Variants in FREM2 observed in about 807,000 individuals in gnomAD.
FREM2 encodes FRAS1 related extracellular matrix 2, also known as FRAS1-related extracellular matrix protein 2.
In FREM2, 119 loss-of-function variants were observed where a neutral mutation model predicts 219.9. That is an observed-to-expected ratio of 0.54 (90% confidence interval 0.47 to 0.63). The LOEUF is 0.63. Ranked by LOEUF, FREM2 falls within the 30% of genes least tolerant of loss-of-function variation. The probability of loss-of-function intolerance (pLI) is 0.00; values close to 1 mark genes in which losing one functional copy is unlikely to be tolerated. For missense variants in FREM2, 4,030 were observed against 3,993.6 expected, an observed-to-expected ratio of 1.01 and a Z score of -0.25; for synonymous variants, 1,562 against 1,522.8, an observed-to-expected ratio of 1.03 and a Z score of -0.60.
chr13:38,829,877 T>C (rs996676085), intron 6 of FREM2, among the ~76,000 whole-genome samples: 1 of 152,104 alleles, frequency 6.6e-6, no homozygotes, highest in Admixed American at 6.6e-5. Flanking sequence ...TGATTTGCTC[T>C]CAAAAGTTGT....
chr13:38,873,317 T>C (rs1878229573), intron 17 of FREM2, among the ~76,000 whole-genome samples: 1 of 152,028 alleles, frequency 6.6e-6, no homozygotes. Flanking sequence ...CATTTTTATT[T>C]CTGAAAAAAA....
intron 2 of FREM2, among the ~76,000 whole-genome samples, chr13:38,742,075 A>C (rs996353988): frequency 2.0e-5 from 3 of 152,312 alleles, no homozygotes; most frequent in African/African-American, 7.2e-5. Flanking sequence ...TTAGACGGTC[A>C]TTTGCCCATC....
At chr13:38,699,525 T>C (rs1300168887) in intron 2 of FREM2, among the ~76,000 whole-genome samples, 1 of 152,124 alleles carries the variant, frequency 6.6e-6, no homozygotes, top group Non-Finnish European at 1.5e-5. Context: ...CCAAAGATTG[T>C]CTTTATGGAA....
At chr13:38,692,583 C>T in intron 1 of FREM2, 66 bp downstream of exon 1, 1 of 1,544,256 alleles carries the variant, frequency 6.5e-7, no homozygotes, top group Non-Finnish European at 8.8e-7. Flanking sequence ...CTAAAAGCCT[C>T]ACAAACAGAG....
At position 38,704,968 on chromosome 13, in the gene FREM2, C is replaced by G. The variant is rs185452090; in HGVS notation, c.5263+7181C>G. ...AACCGCCACCATGATCCAATCACCTCTCACCAGGTTTCTCCCTCGACACAT... is the reference window on the plus strand; with the variant it reads ...AACCGCCACCATGATCCAATCACCTGTCACCAGGTTTCTCCCTCGACACAT... On this transcript the variant is annotated intron_variant, in intron 2 of 23. Coordinates refer to ENST00000280481, the MANE Select transcript of FREM2 (RefSeq NM_207361.6). Among the ~76,000 whole-genome samples, 196 of 152,304 alleles carry G rather than the reference C, an allele frequency of 1.3e-3. 3 individuals carry two copies. The Middle Eastern group carries it at 0.014, about 11-fold the overall frequency.
chr13:38,821,347 C>A (rs566505351), intron 6 of FREM2, among the ~76,000 whole-genome samples: 1 of 151,998 alleles, frequency 6.6e-6, no homozygotes, highest in African/African-American at 2.4e-5. Flanking sequence ...ACAAGATTGC[C>A]CAGTCAAATA....
chr13:38,828,026 G>A (rs1018652407), intron 6 of FREM2, among the ~76,000 whole-genome samples: 15 of 152,162 alleles, frequency 9.9e-5, no homozygotes, highest in South Asian at 2.1e-4. Context: ...TCTTCCTCAC[G>A]GAAGCCACAC....
At position 38,880,717 on chromosome 13, in the gene FREM2, C is replaced by T. The variant is rs535724772; in HGVS notation, c.9440C>T (p.Pro3147Leu). Residue 3147 changes from proline to leucine, a missense_variant, in exon 24 of 24, where the codon CCG (proline) becomes CTG (leucine). Coordinates refer to ENST00000280481, the MANE Select transcript of FREM2 (RefSeq NM_207361.6). Reference protein sequence around the residue: ...GKESFRGKDAPKGSSSSEPMV... With the variant: ...GKESFRGKDALKGSSSSEPMV... ...GAAAGTTTCAGGGGGAAGGATGCCC[C>T]GAAAGGCTCCAGCAGCAGTGAGCCC... 6.2e-6 allele frequency: 10 copies of T among 1,614,104 alleles called. No individual in the cohort carries two copies. Among genetic ancestry groups the T allele is most frequent in the South Asian group, 4.4e-5 (4 of 91,078 alleles).
chr13:38,774,697 C>A (rs1025553080), intron 4 of FREM2, among the ~76,000 whole-genome samples: 1 of 152,066 alleles, frequency 6.6e-6, no homozygotes, highest in African/African-American at 2.4e-5. Flanking sequence ...AGAGCTAAGA[C>A]GTCTGATTTT....
chr13:38,732,199 G>A (rs886230566), intron 2 of FREM2, among the ~76,000 whole-genome samples: 4 of 152,150 alleles, frequency 2.6e-5, no homozygotes, highest in Non-Finnish European at 1.5e-5. Flanking sequence ...TCATATCTTA[G>A]TAGTCTTTTC....
At chr13:38,860,304 C>T (rs1367567085) in intron 14 of FREM2, among the ~76,000 whole-genome samples, 2 of 151,996 alleles carry the variant, frequency 1.3e-5, no homozygotes, top group Non-Finnish European at 2.9e-5. Flanking sequence ...AGCAAAGACA[C>T]ATTGGGGATG....
intron 6 of FREM2, among the ~76,000 whole-genome samples, chr13:38,809,056 GTTCCATAGGC>G (rs1875369178): frequency 6.6e-6 from 1 of 151,634 alleles, no homozygotes; most frequent in Non-Finnish European, 1.5e-5. Context: ...GTCCTGTTAA[GTTCCATAGGC>G]TTTATTTTTT....
chr13:38,773,636 G>GC (rs1316147003), intron 4 of FREM2, among the ~76,000 whole-genome samples: 1 of 151,964 alleles, frequency 6.6e-6, no homozygotes, highest in Non-Finnish European at 1.5e-5. Context: ...TTACTATGTT[G>GC]CCCAGGCTGG....
intron 2 of FREM2, among the ~76,000 whole-genome samples, chr13:38,752,554 C>T (rs1023453534): frequency 5.9e-5 from 9 of 152,138 alleles, no homozygotes; most frequent in African/African-American, 2.2e-4. Context: ...ACTCTAATCT[C>T]TTCATACTAG....
At chr13:38,696,989 A>G (rs1360826416) in intron 1 of FREM2, among the ~76,000 whole-genome samples, 2 of 151,898 alleles carry the variant, frequency 1.3e-5, no homozygotes, top group Admixed American at 6.6e-5. Flanking sequence ...TAATAGAGAC[A>G]GGGTTTCACC....
At chr13:38,709,755 G>A (rs1870691144) in intron 2 of FREM2, among the ~76,000 whole-genome samples, 1 of 150,940 alleles carries the variant, frequency 6.6e-6, no homozygotes, top group Non-Finnish European at 1.5e-5. Flanking sequence ...ACCGTGATTT[G>A]ACACAGATAC....
At chr13:38,797,019 G>A (rs1874816119) in intron 6 of FREM2, among the ~76,000 whole-genome samples, 1 of 151,860 alleles carries the variant, frequency 6.6e-6, no homozygotes, top group African/African-American at 2.4e-5. Flanking sequence ...TAGGACTAAG[G>A]TGCACACCAC....
At chr13:38,787,411 A>C (rs550780307) in intron 6 of FREM2, among the ~76,000 whole-genome samples, 1 of 152,216 alleles carries the variant, frequency 6.6e-6, no homozygotes, top group East Asian at 1.9e-4. Flanking sequence ...AACTTCTCAC[A>C]GTTCCCACAG....
chr13:38,759,465 A>C (rs1216948885), intron 2 of FREM2, among the ~76,000 whole-genome samples: 2 of 151,552 alleles, frequency 1.3e-5, no homozygotes, highest in East Asian at 1.9e-4. Context: ...AAAAAAAAAA[A>C]CGACTGAGTT....
Sources: allele counts gnomAD v4.1 joint callset (sites outside exome capture counted in the v4.1 genomes callset), GRCh38; gene constraint gnomAD v4.1.1; transcripts MANE v1.5; gene names NCBI Gene and HGNC (gene_info 2026-07-23, HGNC 2026-07-21).